The following MLST8 variants were observed in gnomAD, a reference collection of about 807,000 sequenced individuals.
MLST8 encodes the protein target of rapamycin complex subunit LST8.
In MLST8, 20 loss-of-function variants were observed where a neutral mutation model predicts 41.3. That is an observed-to-expected ratio of 0.48 (90% CI 0.34 to 0.70). The LOEUF is 0.70. Among genes scored for constraint, MLST8 ranks in the 30% least tolerant of loss-of-function variants. The probability of loss-of-function intolerance (pLI) is 0.01; values close to 1 mark genes in which losing one functional copy is unlikely to be tolerated. For synonymous variants in MLST8, 243 were observed against 183.0 expected (o/e 1.33, Z -2.65); for missense variants, 422 against 454.3 (o/e 0.93, Z 0.65).
At chr16:2,206,761 T>TC (rs778870051) in intron 4 of MLST8, 102 bp downstream of exon 4, 2 of 1,357,908 alleles carry the variant, frequency 1.5e-6, no homozygotes, top group South Asian at 2.4e-5. Flanking sequence ...ACAGGGAGCT[T>TC]CCTGTGGGCG....
intron 4 of MLST8, 124 bp downstream of exon 4, chr16:2,206,783 G>A (rs1360825586): frequency 1.7e-6 from 2 of 1,186,236 alleles, no homozygotes; most frequent in East Asian, 2.4e-5. Flanking sequence ...CTTACTGAGA[G>A]AAGTGAGGAC....
chr16:2,205,928 C>T lies in MLST8; in HGVS notation c.-55-103C>T, dbSNP rs116586405. On this transcript the variant is annotated intron_variant, in intron 1 of 8. Transcript: ENST00000569417. ...AACCTACCTGCGCTTCTTGTCCCAA[C>T]TCTAAAATGGGAATGATAAGCGCCA... is the stretch of plus-strand genomic sequence containing the variant. 2,856 of 1,442,908 alleles carry T rather than the reference C, an allele frequency of 2.0e-3. 34 individuals carry two copies. The African/African-American group carries it at 0.032, about 16-fold the overall frequency. The allele number at this position is 1,442,908 out of a possible 1,614,324, so 89.4% of individuals were successfully genotyped here. A position where few individuals can be genotyped will look rare whatever the true frequency, so the allele number is the denominator to read the frequency against.
At chr16:2,205,677 G>T (rs886594902) in intron 1 of MLST8, 165 bp downstream of exon 1, 1 of 990,426 alleles carries the variant, frequency 1.0e-6, no homozygotes, top group Non-Finnish European at 1.2e-6. Context: ...CCTGCCGCTG[G>T]CCTGCTACGC....
Position 2,206,677 on chromosome 16 carries a change from C to A in MLST8, c.344+18C>A, listed in dbSNP as rs1314197217. 1.7e-6 allele frequency: 2 copies of A among 1,159,822 alleles called. No individual in the cohort carries two copies. The highest frequency in any genetic ancestry group is 1.2e-5 in the South Asian group (1 of 83,158). The allele number at this position is 1,159,822 out of a possible 1,614,324, so 71.8% of individuals were successfully genotyped here. ...GACCTCAGGTGCGGTGGGGAGGGGG[C>A]GTGCTGCCCGGGGCTGGGGTGGGCT... On this transcript the variant is annotated intron_variant, in intron 4 of 8. Transcript: ENST00000569417.
rs2093356351 is a variant in MLST8 at position 2,209,178 on chromosome 16, C to A, written c.*301C>A. 1.5e-6 allele frequency: 1 copy of A among 677,006 alleles called. No homozygotes were observed. Among genetic ancestry groups the A allele is most frequent in the East Asian group, 2.7e-5 (1 of 36,786 alleles). 41.9% of individuals were successfully genotyped at this position (677,006 alleles called of 1,614,324 possible). ...GAGGGGTCTGAGGCTGGTGCCCACC[C>A]CCAAGCTAGTGTGTTCTCTGCCCCT... On this transcript the variant is annotated 3_prime_UTR_variant, in exon 9 of 9. Transcript: ENST00000569417.
chr16:2,205,627 G>A, intron 1 of MLST8, 115 bp downstream of exon 1: 3 of 960,964 alleles, frequency 3.1e-6, no homozygotes, highest in Non-Finnish European at 3.7e-6. Context: ...GGAAAGGGGA[G>A]CTCGGGGGTC....
rs2093357800 is a variant in MLST8 at position 2,209,253 on chromosome 16, G to A, written c.*376G>A. On this transcript the variant is annotated 3_prime_UTR_variant, in exon 9 of 9. Coordinates refer to ENST00000569417, the MANE Select transcript of MLST8 (RefSeq NM_022372.6). ...GTCCATAGAGAACACCACCACCATGGCCAGGTGGAAGGGTTTATTAGTCCC... is the reference window on the plus strand; with the variant it reads ...GTCCATAGAGAACACCACCACCATGACCAGGTGGAAGGGTTTATTAGTCCC... 1.9e-6 allele frequency: 2 copies of A among 1,032,642 alleles called. No individual in the cohort carries two copies. Among genetic ancestry groups the A allele is most frequent in the African/African-American group, 1.6e-5 (1 of 62,940 alleles). The allele number at this position is 1,032,642 out of a possible 1,614,324, so 64.0% of individuals were successfully genotyped here.
chr16:2,209,078 C>T lies in MLST8; in HGVS notation c.*201C>T, dbSNP rs1017724107. The T allele has an allele frequency of 9.1e-6, 6 of 662,252 alleles. No homozygotes were observed. In the African/African-American group the frequency reaches 9.1e-5, roughly 10 times the overall value. The allele number at this position is 662,252 out of a possible 1,614,324, so 41.0% of individuals were successfully genotyped here. A position where few individuals can be genotyped will look rare whatever the true frequency, so the allele number is the denominator to read the frequency against. ...TATCCAGATGTGACAGAGCTCGACC[C>T]AAGCCAGGCTGCACACTCCTGGACT... On this transcript the variant is annotated 3_prime_UTR_variant, in exon 9 of 9. Transcript: ENST00000569417.
At position 2,207,044 on chromosome 16, in the gene MLST8, C is replaced by G; in HGVS notation, c.354C>G (p.Asn118Lys). 1 of 1,613,444 alleles carries G rather than the reference C, an allele frequency of 6.2e-7. No individual in the cohort carries two copies. The highest frequency in any genetic ancestry group is 8.5e-7 in the Non-Finnish European group (1 of 1,179,980). ...CCGGCCCGGCCCGCAGGTCCCGGAA[C>G]CTGCAGTGCCAGCGGATCTTCCAGG... Reference protein sequence around the residue: ...TARIWDLRSRNLQCQRIFQVN... With the variant: ...TARIWDLRSRKLQCQRIFQVN... The change falls in exon 5 of 9, where the codon AAC (asparagine) becomes AAG (lysine). Residue 118 changes from asparagine to lysine, a missense_variant. Asn to Lys is a moderately conservative substitution (Grantham distance 94). Transcript: ENST00000569417.
chr16:2,207,517 G>C, intron 6 of MLST8, 172 bp downstream of exon 6: 1 of 748,386 alleles, frequency 1.3e-6, no homozygotes, highest in Non-Finnish European at 2.1e-6. Context: ...GCTCCCGATG[G>C]CTTAGTCCTG....
chr16:2,209,190 T>G lies in MLST8; in HGVS notation c.*313T>G. 2 of 689,284 alleles carry G rather than the reference T, an allele frequency of 2.9e-6. No homozygotes were observed. Among genetic ancestry groups the G allele is most frequent in the Non-Finnish European group, 4.8e-6 (2 of 415,322 alleles). 42.7% of individuals were successfully genotyped at this position (689,284 alleles called of 1,614,324 possible). On this transcript the variant is annotated 3_prime_UTR_variant, in exon 9 of 9. Transcript: ENST00000569417. ...GCTGGTGCCCACCCCCAAGCTAGTG[T>G]GTTCTCTGCCCCTCCCTGCCCGCGT... is the stretch of plus-strand genomic sequence containing the variant.
rs1243148571 is a variant in MLST8 at position 2,206,428 on chromosome 16, C to A, written c.181+19C>A. On this transcript the variant is annotated intron_variant, in intron 3 of 8. Coordinates refer to ENST00000569417, the MANE Select transcript of MLST8 (RefSeq NM_022372.6). ...GCTGCAGGTATCTGTGATCCTTGAT[C>A]TCTAAACTCCTGAGCTCTGGTGGGT... is the stretch of plus-strand genomic sequence containing the variant. 6.2e-7 allele frequency: 1 copy of A among 1,614,142 alleles called. No individual in the cohort carries two copies. The highest frequency in any genetic ancestry group is 8.5e-7 in the Non-Finnish European group (1 of 1,180,000).
At chr16:2,205,928 C>G in intron 1 of MLST8, 103 bp from the exon 2 acceptor site, 1 of 1,442,922 alleles carries the variant, frequency 6.9e-7, no homozygotes, top group Non-Finnish European at 9.1e-7. Flanking sequence ...CTTGTCCCAA[C>G]TCTAAAATGG....
At chr16:2,205,802 GT>G (rs60944222) in intron 1 of MLST8, 6 of 1,070,392 alleles carry the variant, frequency 5.6e-6, no homozygotes, top group Non-Finnish European at 5.6e-6. Flanking sequence ...GGCTGCGGAG[GT>G]GGGGGGGGGA....
rs1462582427 is a variant in MLST8, at chr16:2,206,106, G to C, written c.21G>C (p.Thr7=). The part of the protein sequence containing the change: MNTSPG[T]VGSDPVILAT... Reference sequence around the variant, plus strand: ...ACACCATGAACACCTCCCCAGGCACGGTGGGCAGTGACCCGGTCATCCTGG... The same window carrying C: ...ACACCATGAACACCTCCCCAGGCACCGTGGGCAGTGACCCGGTCATCCTGG... Residue 7 remains threonine (T), a synonymous_variant, in exon 2 of 9, where the codon ACG becomes ACC. Transcript: ENST00000569417. The C allele has an allele frequency of 4.4e-6, 7 of 1,606,784 alleles. No homozygotes were observed. The African/African-American group carries it at 9.4e-5, about 21-fold the overall frequency.
chr16:2,208,533 A>G lies in MLST8; in HGVS notation c.782A>G (p.Lys261Arg), dbSNP rs747648829. 1.2e-6 allele frequency: 2 copies of G among 1,613,242 alleles called. No homozygotes were observed. The highest frequency in any genetic ancestry group is 3.3e-5 in the Admixed American group (2 of 60,000). ...TCCCTGATGACGGAGCTGAGCATCA[A>G]GAGCGGCAACCCCGGGGAGTCCTCC... ...NFSLMTELSI[K>R]SGNPGESSRG... Residue 261 changes from lysine to arginine, a missense_variant, in exon 8 of 9, where the codon AAG becomes AGG. Lys to Arg is a conservative substitution (Grantham distance 26). Coordinates refer to ENST00000569417, the MANE Select transcript of MLST8 (RefSeq NM_022372.6).
rs142635419 is a variant in MLST8 at position 2,208,187 on chromosome 16, G to A, written c.574-23G>A. On this transcript the variant is annotated intron_variant, in intron 6 of 8. Coordinates refer to ENST00000569417, the MANE Select transcript of MLST8 (RefSeq NM_022372.6). ...TCAGACCTGAGGCCTTGGGCCCTCC[G>A]TGACGGTCCTCCTGACCTCTAGGGA... The A allele has an allele frequency of 3.3e-5, 53 of 1,588,540 alleles. 1 individual carries two copies. The highest frequency in any genetic ancestry group is 1.4e-4 in the East Asian group (6 of 44,406).
At chr16:2,205,917 T>A (rs903983988) in intron 1 of MLST8, 114 bp from the exon 2 acceptor site, 7 of 1,441,236 alleles carry the variant, frequency 4.9e-6, no homozygotes, top group Non-Finnish European at 6.4e-6. Flanking sequence ...TACCTGCGCT[T>A]CTTGTCCCAA....
Position 2,207,359 on chromosome 16 carries a change from G to A in MLST8, c.573+14G>A. The A allele has an allele frequency of 1.2e-6, 2 of 1,612,020 alleles. No homozygotes were observed. The highest frequency in any genetic ancestry group is 8.5e-7 in the Non-Finnish European group (1 of 1,178,530). On this transcript the variant is annotated intron_variant, in intron 6 of 8. Transcript: ENST00000569417. ...GTCAATAGCACCGTGAGTCCTGGTG[G>A]CAGGTGCTGGGTGCGGGCAGCTTGG...
Sources: allele counts gnomAD v4.1 joint callset, GRCh38; gene constraint gnomAD v4.1.1; transcripts MANE v1.5; gene names NCBI Gene and HGNC (gene_info 2026-07-23, HGNC 2026-07-21).